The following DONSON variants were observed in gnomAD, a reference collection of about 807,000 sequenced individuals.
The protein encoded by DONSON is protein downstream neighbor of Son.
Under a neutral mutation model 62.1 loss-of-function variants are expected in DONSON, and 43 were observed. The ratio of observed to expected loss-of-function variants is 0.69; its 90% CI spans 0.54 to 0.89. DONSON has a LOEUF of 0.89. DONSON is among the 40% of genes least tolerant of loss of function. The pLI is 0.00. For synonymous variants in DONSON, 266 were observed against 264.6 expected, an observed-to-expected ratio of 1.01 and a Z score of -0.05; for missense variants, 696 against 697.5, an observed-to-expected ratio of 1.00 and a Z score of 0.03.
rs754583646 is a variant in DONSON, at chr21:33,586,212, C to T, written c.403-31G>A. On this transcript the variant is annotated intron_variant, in intron 2 of 9. Transcript: ENST00000303071. ...GAAAACAAAGAATGCAAAAATTAGT[C>T]GAGTATCAAGAAAAAACCTTCAACC... The T allele has an allele frequency of 6.9e-6, 11 of 1,592,312 alleles. No individual in the cohort carries two copies. The South Asian group carries it at 7.8e-5, about 11-fold the overall frequency.
At chr21:33,587,138 G>A (rs929564576) in intron 2 of DONSON, among the ~76,000 whole-genome samples, 3 of 152,188 alleles carry the variant, frequency 2.0e-5, no homozygotes, top group Admixed American at 2.0e-4. Context: ...TGTGTTAGGG[G>A]AGAGGAGCAA....
intron 1 of DONSON, 81 bp downstream of exon 1, chr21:33,588,240 G>A: frequency 9.1e-7 from 1 of 1,097,286 alleles, no homozygotes. Context: ...TCGAACGCGA[G>A]GACTTTCCAT....
chr21:33,581,397 TAG>T lies in DONSON; in HGVS notation c.1253_1254del (p.Ser418Ter), dbSNP rs1468284861. 3 of 1,614,086 alleles carry T rather than the reference TAG, an allele frequency of 1.9e-6. No homozygotes were observed. The highest frequency in any genetic ancestry group is 1.1e-5 in the South Asian group (1 of 91,084). ...TFTLLNFLIN[S>X]KSLVATSGPQ... ...GGACCTGAGGTAGCAACTAAACTCTTAGAGTTAATCAAAAAATTGAGCAATGT... is the reference window on the plus strand; with the variant it reads ...GGACCTGAGGTAGCAACTAAACTCTTAGTTAATCAAAAAATTGAGCAATGT... On this transcript the variant is annotated frameshift_variant, in exon 8 of 10. Transcript: ENST00000303071. LOFTEE classifies it high-confidence loss of function.
chr21:33,586,327 A>C (rs992703018), intron 2 of DONSON, 146 bp from the exon 3 acceptor site: 141 of 724,952 alleles, frequency 1.9e-4, no homozygotes, highest in Non-Finnish European at 1.3e-5. Flanking sequence ...TACACACTGT[A>C]AAAAAGTCTG....
chr21:33,587,987 T>C (rs552597681), intron 1 of DONSON, among the ~76,000 whole-genome samples: 210 of 152,242 alleles, frequency 1.4e-3, no homozygotes, highest in African/African-American at 4.9e-3. Flanking sequence ...CCTTGCAAGA[T>C]GGGGGCTCTC....
At chr21:33,583,942 T>C (rs1478251797) in intron 4 of DONSON, among the ~76,000 whole-genome samples, 1 of 149,728 alleles carries the variant, frequency 6.7e-6, no homozygotes, top group African/African-American at 2.4e-5. Context: ...CCTGCTGACT[T>C]TCTCTGAGCT....
chr21:33,580,504 A>AAAAAAAAAAAAAAG (rs2086495339), intron 8 of DONSON, among the ~76,000 whole-genome samples: 1 of 124,004 alleles, frequency 8.1e-6, no homozygotes, highest in Admixed American at 8.9e-5. Context: ...AAAAAAAAAA[A>AAAAAAAAAAAAAAG]GCAGGGCATG....
In DONSON at chr21:33,588,349, G is replaced by A; in HGVS notation, c.293C>T (p.Ala98Val). 2 of 1,294,332 alleles carry A rather than the reference G, an allele frequency of 1.5e-6. No homozygotes were observed. The highest frequency in any genetic ancestry group is 1.9e-6 in the Non-Finnish European group (2 of 1,025,656). 80.2% of individuals were successfully genotyped at this position (1,294,332 alleles called of 1,614,324 possible). ...GACCGGGGCCTCCGGCTGCTCGCGG[G>A]CCGGCCCGTCGGGGGGCTCCGCGGC... ...RVAAEPPDGP[A>V]REQPEAPVPF... The change falls in exon 1 of 10, where the codon GCC (alanine) becomes GTC (valine). Residue 98 changes from alanine to valine, a missense_variant. Coordinates refer to ENST00000303071, the MANE Select transcript of DONSON (RefSeq NM_017613.4).
intron 4 of DONSON, among the ~76,000 whole-genome samples, chr21:33,584,199 C>G (rs964206432): frequency 9.2e-5 from 14 of 151,522 alleles, no homozygotes; most frequent in African/African-American, 3.1e-4. Flanking sequence ...CACCCGCCAC[C>G]ACACCAGGCT....
At chr21:33,584,014 T>TTATATATATATATATATATATATATA (rs57309977) in intron 4 of DONSON, among the ~76,000 whole-genome samples, 1 of 121,570 alleles carries the variant, frequency 8.2e-6, no homozygotes, top group Non-Finnish European at 1.6e-5. Flanking sequence ...GGCTGCGTGT[T>TTATATATATATATATATATATATATA]TATATATATA....
At chr21:33,581,123 C>T (rs540989260) in intron 8 of DONSON, 179 bp downstream of exon 8, 14 of 552,490 alleles carry the variant, frequency 2.5e-5, no homozygotes, top group East Asian at 1.8e-4. Context: ...TTATATATTT[C>T]CACATAATTT....
chr21:33,584,842 CCAAA>C, intron 3 of DONSON, 74 bp from the exon 4 acceptor site: 8 of 1,233,256 alleles, frequency 6.5e-6, no homozygotes, highest in Non-Finnish European at 8.7e-6. Flanking sequence ...ACAATCTTTA[CCAAA>C]CACTTAGGTC....
chr21:33,579,723 A>G, intron 8 of DONSON, 161 bp from the exon 9 acceptor site: 1 of 552,914 alleles, frequency 1.8e-6, no homozygotes, highest in Non-Finnish European at 3.1e-6. Flanking sequence ...TGTGAGTACA[A>G]ATACTTAGTA....
chr21:33,588,194 A>G, intron 1 of DONSON, 127 bp downstream of exon 1: 2 of 800,838 alleles, frequency 2.5e-6, no homozygotes, highest in African/African-American at 3.6e-5. Context: ...CCCTAAGGCC[A>G]CGGGCGGCCG....
intron 1 of DONSON, among the ~76,000 whole-genome samples, 199 bp from the exon 2 acceptor site, chr21:33,587,801 C>T (rs2086595663): frequency 6.6e-6 from 1 of 152,182 alleles, no homozygotes; most frequent in African/African-American, 2.4e-5. Flanking sequence ...GGAACAGGGA[C>T]CGGCGTTTCA....
At position 33,578,335 on chromosome 21, in the gene DONSON, C is replaced by A. The variant is rs2086459513; in HGVS notation, c.1673G>T (p.Arg558Ile). The change falls in exon 10 of 10, where the codon AGA (arginine) becomes ATA (isoleucine). Residue 558 changes from arginine to isoleucine, a missense_variant. Physicochemically the swap from Arg to Ile is moderately conservative, Grantham distance 97 (BLOSUM62 -3). Coordinates refer to ENST00000303071, the MANE Select transcript of DONSON (RefSeq NM_017613.4). ...GGATCTCCAATTATAAATGTAGTCT[C>A]TCAGCACCACATTCCGTAAAGATGA... is the stretch of plus-strand genomic sequence containing the variant. ...GKSSLRNVVL[R>I]DYIYNWRS 6.2e-7 allele frequency: 1 copy of A among 1,613,800 alleles called. No homozygotes were observed. Among genetic ancestry groups the A allele is most frequent in the Non-Finnish European group, 8.5e-7 (1 of 1,179,902 alleles).
At chr21:33,584,208 C>T (rs2086552292) in intron 4 of DONSON, among the ~76,000 whole-genome samples, 2 of 151,418 alleles carry the variant, frequency 1.3e-5, no homozygotes, top group Non-Finnish European at 2.9e-5. Context: ...CCACACCAGG[C>T]TAATTTTTTT....
In DONSON at chr21:33,578,175, A is replaced by G. The variant is rs1286535173; in HGVS notation, c.*132T>C. Reference sequence around the variant, plus strand: ...TCTGAAAATAGTAAAACACATTTAAAACCTTAGATGCTACTGTAGTAAAAG... The same window carrying G: ...TCTGAAAATAGTAAAACACATTTAAGACCTTAGATGCTACTGTAGTAAAAG... On this transcript the variant is annotated 3_prime_UTR_variant, in exon 10 of 10. Coordinates refer to ENST00000303071, the MANE Select transcript of DONSON (RefSeq NM_017613.4). 2 of 931,270 alleles carry G rather than the reference A, an allele frequency of 2.1e-6. No homozygotes were observed. The highest frequency in any genetic ancestry group is 3.1e-6 in the Non-Finnish European group (2 of 647,510). 57.7% of individuals were successfully genotyped at this position (931,270 alleles called of 1,614,324 possible). A position where few individuals can be genotyped will look rare whatever the true frequency, so the allele number is the denominator to read the frequency against.
At position 33,582,147 on chromosome 21, in the gene DONSON, GTTATT is replaced by G; in HGVS notation, c.1046+13_1046+17del. On this transcript the variant is annotated intron_variant, in intron 6 of 9. Coordinates refer to ENST00000303071, the MANE Select transcript of DONSON (RefSeq NM_017613.4). ...TCCATAAGTCAGTGGATGATATAAA[GTTATT>G]TTAATCACATACTCCCCATATCCCA... 6.2e-7 allele frequency: 1 copy of G among 1,612,748 alleles called. No individual in the cohort carries two copies.
Sources: gnomAD v4.1 joint callset for allele counts (sites outside exome capture counted in the v4.1 genomes callset) on GRCh38, gnomAD v4.1.1 for gene constraint, MANE v1.5 for transcripts, NCBI Gene and HGNC (gene_info 2026-07-23, HGNC 2026-07-21) for gene names.